Variants in LRRC4C observed in about 807,000 individuals in gnomAD.
The protein encoded by LRRC4C is leucine-rich repeat-containing protein 4C.
In LRRC4C, 5 loss-of-function variants were observed where a neutral mutation model predicts 33.6. The observed-to-expected ratio is 0.15, with a 90% confidence interval of 0.08 to 0.31. The LOEUF is 0.31. LRRC4C is among the 10% of genes least tolerant of loss of function. The pLI, the probability that LRRC4C is intolerant of heterozygous loss-of-function variation, is 1.00. For synonymous variants in LRRC4C, 329 were observed against 302.0 expected (o/e 1.09, Z -0.93); for missense variants, 560 against 796.7 (o/e 0.70, Z 3.58).
chr11:41,180,833 C>G (rs980581297), intron 1 of LRRC4C, among the ~76,000 whole-genome samples: 1 of 151,776 alleles, frequency 6.6e-6, no homozygotes, highest in Non-Finnish European at 1.5e-5. Context: ...ATCGAAAAAT[C>G]CCTGCCGCAG....
At chr11:40,313,527 T>C (rs1245692980) in intron 4 of LRRC4C, among the ~76,000 whole-genome samples, 1 of 149,502 alleles carries the variant, frequency 6.7e-6, no homozygotes, top group Admixed American at 6.7e-5. Context: ...TCTACTCAAA[T>C]GGATCAAAGT....
Position 40,115,815 on chromosome 11 carries a change from T to C in LRRC4C, c.478A>G (p.Ile160Val), listed in dbSNP as rs1855388268. The change falls in exon 7 of 7, where the codon ATT (isoleucine) becomes GTT (valine). Residue 160 changes from isoleucine to valine, a missense_variant. Ile to Val is a conservative substitution (Grantham distance 29, BLOSUM62 3). Coordinates refer to ENST00000528697, the MANE Select transcript of LRRC4C (RefSeq NM_001258419.2). This position sits in a 1 kb window ranked among gnomAD's most constrained non-coding sequence, Gnocchi z 6.7. Reference protein sequence around the residue: ...LKELWLRNNPIESIPSYAFNR... With the variant: ...LKELWLRNNPVESIPSYAFNR... ...AAAGCATAAGAAGGGATGCTTTCAATGGGGTTGTTTCGCAACCAGAGCTCC... is the reference window on the plus strand; with the variant it reads ...AAAGCATAAGAAGGGATGCTTTCAACGGGGTTGTTTCGCAACCAGAGCTCC... The C allele has an allele frequency of 6.2e-7, 1 of 1,614,032 alleles. No homozygotes were observed. Among genetic ancestry groups the C allele is most frequent in the Admixed American group, 1.7e-5 (1 of 60,004 alleles).
chr11:41,113,213 G>A (rs1941941805), intron 1 of LRRC4C, among the ~76,000 whole-genome samples: 1 of 151,826 alleles, frequency 6.6e-6, no homozygotes, highest in Admixed American at 6.6e-5. Flanking sequence ...AACTTAAATT[G>A]ATCCACCGCT....
At chr11:40,665,329 T>A (rs868222893) in intron 2 of LRRC4C, among the ~76,000 whole-genome samples, 701 of 8,396 alleles carry the variant, frequency 0.083, 3 homozygotes, top group African/African-American at 0.17. Flanking sequence ...AAAAAAAATA[T>A]ATATATATAT....
chr11:40,999,900 C>G (rs867949838), intron 1 of LRRC4C, among the ~76,000 whole-genome samples: 1 of 151,956 alleles, frequency 6.6e-6, no homozygotes. Flanking sequence ...TTTCCTGTGA[C>G]AGAAGGGAGA....
intron 4 of LRRC4C, among the ~76,000 whole-genome samples, chr11:40,274,509 T>C (rs756224499): frequency 6.1e-5 from 9 of 147,824 alleles, no homozygotes; most frequent in South Asian, 2.1e-4. Context: ...ACATGGATAG[T>C]AGCAGAAATA....
At chr11:40,756,773 G>A (rs987664779) in intron 2 of LRRC4C, among the ~76,000 whole-genome samples, 1 of 151,900 alleles carries the variant, frequency 6.6e-6, no homozygotes, top group Non-Finnish European at 1.5e-5. Context: ...CCTAGAAACT[G>A]ATTATAAAAA....
chr11:40,826,082 G>T (rs1467306527), intron 2 of LRRC4C, among the ~76,000 whole-genome samples: 1 of 151,780 alleles, frequency 6.6e-6, no homozygotes, highest in Non-Finnish European at 1.5e-5. Context: ...TTATAAAGGG[G>T]AGACAGACAG....
intron 6 of LRRC4C, among the ~76,000 whole-genome samples, chr11:40,130,066 A>G (rs945415590): frequency 2.0e-5 from 3 of 152,348 alleles, no homozygotes; most frequent in Non-Finnish European, 1.5e-5. Context: ...TGTAAAATAT[A>G]GATGACCAAC....
At chr11:40,628,353 C>T (rs1000315240) in intron 3 of LRRC4C, among the ~76,000 whole-genome samples, 1 of 152,134 alleles carries the variant, frequency 6.6e-6, no homozygotes, top group African/African-American at 2.4e-5. Context: ...TGGCGGGTGC[C>T]TGTAGTCCCA....
At chr11:40,233,202 C>T (rs1865326907) in intron 5 of LRRC4C, among the ~76,000 whole-genome samples, 1 of 152,164 alleles carries the variant, frequency 6.6e-6, no homozygotes, top group African/African-American at 2.4e-5. Context: ...TAGATTTCCA[C>T]TTAACAATCA....
chr11:40,780,749 T>C (rs1950180109), intron 2 of LRRC4C, among the ~76,000 whole-genome samples: 1 of 151,372 alleles, frequency 6.6e-6, no homozygotes, highest in South Asian at 2.1e-4. Flanking sequence ...TAACACTCCA[T>C]GAATTCAGAG....
rs960615959 is a variant in LRRC4C, at chr11:40,773,029, G to A, written c.-406-124751C>T. 2.0e-5 allele frequency among the ~76,000 whole-genome samples: 3 copies of A among 152,182 alleles called. 1 individual carries two copies. The highest frequency in any genetic ancestry group is 7.2e-5 in the African/African-American group (3 of 41,452). ...GAGTACCATTCAGTCATAAAAAAGAGTGAGTTCCTGTCATTCACAATAACT... is the reference window on the plus strand; with the variant it reads ...GAGTACCATTCAGTCATAAAAAAGAATGAGTTCCTGTCATTCACAATAACT... On this transcript the variant is annotated intron_variant, in intron 2 of 6. Coordinates refer to ENST00000528697, the MANE Select transcript of LRRC4C (RefSeq NM_001258419.2).
At chr11:41,284,799 C>T (rs531987015) in intron 1 of LRRC4C, among the ~76,000 whole-genome samples, 1 of 152,164 alleles carries the variant, frequency 6.6e-6, no homozygotes, top group African/African-American at 2.4e-5. Context: ...TTTATTAAAA[C>T]CATTGATTTC....
intron 1 of LRRC4C, among the ~76,000 whole-genome samples, chr11:41,352,355 C>G (rs1952012127): frequency 6.6e-6 from 1 of 151,924 alleles, no homozygotes; most frequent in Admixed American, 6.6e-5. Context: ...ACTGGAGTAC[C>G]CAAATTTATA....
At chr11:40,897,694 T>C (rs1186237774) in intron 2 of LRRC4C, among the ~76,000 whole-genome samples, 1 of 152,224 alleles carries the variant, frequency 6.6e-6, no homozygotes, top group African/African-American at 2.4e-5. Flanking sequence ...GAAAAAGCAA[T>C]ATACAGCTAT....
chr11:41,278,073 T>C (rs1365306486), intron 1 of LRRC4C, among the ~76,000 whole-genome samples: 2 of 152,112 alleles, frequency 1.3e-5, no homozygotes, highest in Non-Finnish European at 2.9e-5. Flanking sequence ...GGTCACAGGA[T>C]GCATAATTAC....
intron 2 of LRRC4C, among the ~76,000 whole-genome samples, chr11:40,715,799 C>T (rs894858179): frequency 3.3e-5 from 5 of 152,094 alleles, no homozygotes; most frequent in African/African-American, 4.8e-5. Context: ...CTGAGGCCGG[C>T]GGATCGCGTG....
intron 3 of LRRC4C, among the ~76,000 whole-genome samples, chr11:40,611,166 TAAAG>T (rs1961179075): frequency 6.6e-6 from 1 of 151,806 alleles, no homozygotes; most frequent in African/African-American, 2.4e-5. Context: ...GAAACTGGCA[TAAAG>T]ACAGACATAT....
Sources: gnomAD v4.1 joint callset for allele counts (sites outside exome capture counted in the v4.1 genomes callset) on GRCh38, gnomAD v4.1.1 for gene constraint, Gnocchi (gnomAD v3.1) non-coding constraint, MANE v1.5 for transcripts, NCBI Gene and HGNC (gene_info 2026-07-23, HGNC 2026-07-21) for gene names.